Variants in AFM observed in about 807,000 individuals in gnomAD.
AFM encodes afamin.
In AFM, 82 loss-of-function variants were observed where a neutral mutation model predicts 68.7. The observed-to-expected ratio is 1.19, with a 90% CI of 1.00 to 1.43. AFM has a LOEUF of 1.43. Among genes scored for constraint, AFM ranks in the 40% most tolerant of loss-of-function variants. AFM has a pLI of 0.00. For missense variants in AFM, 772 were observed against 701.8 expected (o/e 1.10, Z -1.13); for synonymous variants, 250 against 234.2 (o/e 1.07, Z -0.61).
At position 73,495,410 on chromosome 4, in the gene AFM, C is replaced by G; in HGVS notation, c.1169C>G (p.Pro390Arg). Residue 390 changes from proline (P) to arginine (R), a missense_variant, in exon 9 of 15, where the codon CCT (proline) becomes CGT (arginine). By Grantham distance (103) the Pro-to-Arg change is moderately radical (BLOSUM62 -2). Coordinates refer to ENST00000226355, the MANE Select transcript of AFM (RefSeq NM_001133.2). Reference sequence around the variant, plus strand: ...AGAAATTGCTGCAACACAGAAAACCCTCCAGGTTGTTACCGTTACGCGGTA... The same window carrying G: ...AGAAATTGCTGCAACACAGAAAACCGTCCAGGTTGTTACCGTTACGCGGTA... ...LLRNCCNTEN[P>R]PGCYRYAEDK... 6.2e-7 allele frequency: 1 copy of G among 1,611,762 alleles called. No homozygotes were observed. The highest frequency in any genetic ancestry group is 8.5e-7 in the Non-Finnish European group (1 of 1,179,362).
chr4:73,501,453 T>C (rs1263659137), intron 12 of AFM, among the ~76,000 whole-genome samples: 1 of 152,102 alleles, frequency 6.6e-6, no homozygotes, highest in Non-Finnish European at 1.5e-5. Context: ...ACTTTAATTT[T>C]CCTACTATAC....
intron 5 of AFM, among the ~76,000 whole-genome samples, chr4:73,487,335 T>C (rs1303434204): frequency 6.6e-6 from 1 of 152,186 alleles, no homozygotes; most frequent in Non-Finnish European, 1.5e-5. Flanking sequence ...GTTTTCTTTG[T>C]AAATTGGAAG....
intron 10 of AFM, 89 bp from the exon 11 acceptor site, chr4:73,499,025 A>G: frequency 1.4e-6 from 2 of 1,384,604 alleles, no homozygotes; most frequent in South Asian, 1.6e-5. Flanking sequence ...GGTTGTCGCT[A>G]GCCTTGAAGG....
chr4:73,493,221 G>A (rs1441208053), intron 8 of AFM, among the ~76,000 whole-genome samples: 2 of 152,284 alleles, frequency 1.3e-5, no homozygotes, highest in African/African-American at 4.8e-5. Context: ...ATGCAGGCAT[G>A]CTAAGTAATG....
chr4:73,482,620 A>G (rs937551343), intron 1 of AFM, among the ~76,000 whole-genome samples: 2 of 152,186 alleles, frequency 1.3e-5, no homozygotes, highest in Admixed American at 6.5e-5. Context: ...ACCTGTTTCA[A>G]AATCTTGATT....
At position 73,499,146 on chromosome 4, in the gene AFM, A is replaced by C; in HGVS notation, c.1322A>C (p.Gln441Pro). 6.2e-7 allele frequency: 1 copy of C among 1,613,474 alleles called. No homozygotes were observed. The highest frequency in any genetic ancestry group is 1.1e-5 in the South Asian group (1 of 91,006). The change falls in exon 11 of 15, where the codon CAA (glutamine) becomes CCA (proline). Residue 441 changes from glutamine (Q) to proline (P), a missense_variant. Coordinates refer to ENST00000226355, the MANE Select transcript of AFM (RefSeq NM_001133.2). ...ATCAGGCTCACGAAGATAGCTCCCC[A>C]ACTCTCCACTGAAGAACTGGTGTCT... ...YLIRLTKIAP[Q>P]LSTEELVSLG... is the part of the protein sequence containing the mutation.
In AFM at chr4:73,486,038, G is replaced by A. The variant is rs1348055549; in HGVS notation, c.447G>A (p.Gln149=). 2.5e-6 allele frequency: 4 copies of A among 1,613,962 alleles called. No individual in the cohort carries two copies. Among genetic ancestry groups the A allele is most frequent in the Non-Finnish European group, 2.5e-6 (3 of 1,179,912 alleles). Residue 149 remains glutamine, a synonymous_variant, in exon 4 of 15, where the codon CAG becomes CAA. Transcript: ENST00000226355. ...FPTLDPEEKC[Q]AYESNRESLL... Reference sequence around the variant, plus strand: ...CCCTGGATCCCGAAGAGAAATGCCAGGCTTATGAAAGTAACAGAGAATCCC... The same window carrying A: ...CCCTGGATCCCGAAGAGAAATGCCAAGCTTATGAAAGTAACAGAGAATCCC...
chr4:73,485,708 A>AGAAGGG (rs570880487), intron 3 of AFM, among the ~76,000 whole-genome samples, 154 bp from the exon 4 acceptor site: 341 of 132,696 alleles, frequency 2.6e-3, no homozygotes, highest in African/African-American at 9.1e-3. Flanking sequence ...GAAGGGAAGG[A>AGAAGGG]GAAGGGGAAG....
intron 3 of AFM, among the ~76,000 whole-genome samples, 157 bp downstream of exon 3, chr4:73,484,547 T>A (rs890432499): frequency 6.6e-6 from 1 of 151,376 alleles, no homozygotes; most frequent in Non-Finnish European, 1.5e-5. Flanking sequence ...CCTTCTTTTT[T>A]TTTTCTTGAA....
At position 73,503,998 on chromosome 4, in the gene AFM, G is replaced by A. The variant is rs1449570905; in HGVS notation, c.*163G>A. 1 of 152,074 alleles carries A rather than the reference G, an allele frequency of 6.6e-6. No homozygotes were observed. The highest frequency in any genetic ancestry group is 1.9e-4 in the East Asian group (1 of 5,198). The allele number at this position is 152,074 out of a possible 1,614,324, so 9.4% of individuals were successfully genotyped here. A position where few individuals can be genotyped will look rare whatever the true frequency, so the allele number is the denominator to read the frequency against. ...AGCAATAAACACAACATTTTGTAAA[G>A]TTATTTTTCAGACCGATGTCATAAA... is the stretch of plus-strand genomic sequence containing the variant. On this transcript the variant is annotated 3_prime_UTR_variant, in exon 15 of 15. Coordinates refer to ENST00000226355, the MANE Select transcript of AFM (RefSeq NM_001133.2).
chr4:73,487,475 G>T (rs773683928), intron 5 of AFM, among the ~76,000 whole-genome samples: 3 of 152,108 alleles, frequency 2.0e-5, no homozygotes, highest in African/African-American at 4.8e-5. Context: ...ACAGCATGCT[G>T]CCCCACCAAG....
At chr4:73,503,203 G>C (rs560906103) in intron 14 of AFM, 93 bp downstream of exon 14, 1 of 980,302 alleles carries the variant, frequency 1.0e-6, no homozygotes, top group Non-Finnish European at 1.6e-6. Flanking sequence ...GTCTATTTCT[G>C]GTTCATCCTA....
At chr4:73,498,668 A>G (rs530158548) in intron 10 of AFM, among the ~76,000 whole-genome samples, 1 of 152,344 alleles carries the variant, frequency 6.6e-6, no homozygotes, top group South Asian at 2.1e-4. Context: ...TATTTCTGCA[A>G]TTTGGCTGTT....
chr4:73,499,528 T>C (rs1346668701), intron 11 of AFM, among the ~76,000 whole-genome samples: 3 of 152,140 alleles, frequency 2.0e-5, no homozygotes, highest in South Asian at 2.1e-4. Context: ...AATCATAATA[T>C]TGTTTCAAAA....
intron 6 of AFM, 22 bp from the exon 7 acceptor site, chr4:73,488,608 G>T: frequency 1.3e-6 from 2 of 1,592,594 alleles, no homozygotes; most frequent in South Asian, 1.1e-5. Flanking sequence ...TTATTTTTGT[G>T]GTTTATCAAT....
chr4:73,486,012 A>T lies in AFM; in HGVS notation c.421A>T (p.Thr141Ser). The T allele has an allele frequency of 6.2e-7, 1 of 1,614,046 alleles. No individual in the cohort carries two copies. The highest frequency in any genetic ancestry group is 8.5e-7 in the Non-Finnish European group (1 of 1,179,962). The change falls in exon 4 of 15, where the codon ACC becomes TCC. Residue 141 changes from threonine to serine, a missense_variant. Thr to Ser is a moderately conservative substitution (Grantham distance 58). Coordinates refer to ENST00000226355, the MANE Select transcript of AFM (RefSeq NM_001133.2). ...SDVGFLPPFPTLDPEEKCQAY... is the reference protein window; with the variant it reads ...SDVGFLPPFPSLDPEEKCQAY... Reference sequence around the variant, plus strand: ...TGTGGGATTTCTGCCTCCTTTCCCTACCCTGGATCCCGAAGAGAAATGCCA... The same window carrying T: ...TGTGGGATTTCTGCCTCCTTTCCCTTCCCTGGATCCCGAAGAGAAATGCCA...
intron 11 of AFM, 146 bp from the exon 12 acceptor site, chr4:73,499,858 A>G: frequency 4.5e-6 from 3 of 668,652 alleles, no homozygotes; most frequent in East Asian, 2.7e-5. Flanking sequence ...TTTTACTTGT[A>G]TATAGGGATA....
chr4:73,484,336 A>C lies in AFM; in HGVS notation c.216A>C (p.Glu72Asp). ...EMEKLVKDMVEYKDRCMADKT... is the reference protein window; with the variant it reads ...EMEKLVKDMVDYKDRCMADKT... The stretch of plus-strand genomic sequence containing the variant: ...AAAAGCTGGTGAAAGACATGGTAGA[A>C]TACAAAGACAGATGTATGGCTGACA... The change falls in exon 3 of 15, where the codon GAA becomes GAC. Residue 72 changes from glutamate to aspartate, a missense_variant. By Grantham distance (45) the Glu-to-Asp change is conservative. Transcript: ENST00000226355. The C allele has an allele frequency of 1.9e-6, 3 of 1,613,208 alleles. No homozygotes were observed. Among genetic ancestry groups the C allele is most frequent in the Non-Finnish European group, 2.5e-6 (3 of 1,179,672 alleles).
rs751326107 is a variant in AFM, at chr4:73,495,436, G to A, written c.1191+4G>A. On this transcript the variant is annotated splice_donor_region_variant and intron_variant, in intron 9 of 14. Transcript: ENST00000226355. ...TCCAGGTTGTTACCGTTACGCGGTA[G>A]GTTCCATTGTTGTAGGTTCAGAAAA... is the stretch of plus-strand genomic sequence containing the variant. 1.2e-6 allele frequency: 2 copies of A among 1,605,296 alleles called. No homozygotes were observed. The highest frequency in any genetic ancestry group is 1.7e-4 in the Middle Eastern group (1 of 6,036).
Sources: gnomAD v4.1 joint callset for allele counts (sites outside exome capture counted in the v4.1 genomes callset) on GRCh38, gnomAD v4.1.1 for gene constraint, MANE v1.5 for transcripts, NCBI Gene and HGNC (gene_info 2026-07-23, HGNC 2026-07-21) for gene names.